The following COL3A1 variants were observed in gnomAD, a reference collection of about 807,000 sequenced individuals.
The protein encoded by COL3A1 is collagen alpha-1(III) chain.
In COL3A1, 46 loss-of-function variants were observed where a neutral mutation model predicts 200.9. The observed-to-expected ratio is 0.23, with a 90% CI of 0.18 to 0.29. COL3A1 has a LOEUF of 0.29. COL3A1 is among the 10% of genes least tolerant of loss of function. The pLI, the probability that COL3A1 is intolerant of heterozygous loss-of-function variation, is 1.00. For missense variants in COL3A1, 1,367 were observed against 1,917.6 expected, an observed-to-expected ratio of 0.71 and a Z score of 5.36; for synonymous variants, 650 against 628.0, an observed-to-expected ratio of 1.03 and a Z score of -0.52.
chr2:188,982,593 C>T (rs917874703), intron 1 of COL3A1, among the ~76,000 whole-genome samples: 6 of 151,820 alleles, frequency 4.0e-5, no homozygotes, highest in Non-Finnish European at 5.9e-5. Flanking sequence ...TCATAATCCA[C>T]GTGCTGTATT....
chr2:188,991,192 T>G (rs1273387724), intron 11 of COL3A1, 135 bp downstream of exon 11: 19 of 891,300 alleles, frequency 2.1e-5, no homozygotes, highest in Non-Finnish European at 2.9e-5. Context: ...TGAATAATGG[T>G]AACCAATTCA....
In COL3A1 at chr2:188,994,604, A is replaced by G; in HGVS notation, c.1347+10A>G. On this transcript the variant is annotated intron_variant, in intron 19 of 50. Coordinates refer to ENST00000304636, the MANE Select transcript of COL3A1 (RefSeq NM_000090.4). This position sits in a 1 kb window ranked among gnomAD's most constrained non-coding sequence, Gnocchi z 4.5. The stretch of plus-strand genomic sequence containing the variant: ...ACCACGTGGTGAACGCGTAAGTTTT[A>G]CTGCAACAGATCTGGTTATTTCTTG... 6.2e-7 allele frequency: 1 copy of G among 1,614,138 alleles called. No individual in the cohort carries two copies. Among genetic ancestry groups the G allele is most frequent in the Non-Finnish European group, 8.5e-7 (1 of 1,180,008 alleles).
chr2:188,992,797 C>A (rs893010212), intron 14 of COL3A1, 90 bp from the exon 15 acceptor site: 3 of 997,390 alleles, frequency 3.0e-6, no homozygotes, highest in Non-Finnish European at 4.8e-6. Context: ...TAAATATCTT[C>A]TTTACTTTAT....
rs1289997955 is a variant in COL3A1, at chr2:188,994,326, T to C, written c.1287T>C (p.Gly429=). The C allele has an allele frequency of 2.5e-6, 4 of 1,613,454 alleles. No individual in the cohort carries two copies. Among genetic ancestry groups the C allele is most frequent in the Admixed American group, 1.7e-5 (1 of 59,994 alleles). The part of the protein sequence containing the change: ...AGANGAPGLR[G]GAGEPGKNGA... Reference sequence around the variant, plus strand: ...CTAATGGTGCTCCTGGACTGCGAGGTGGTGCAGTAAGTTGCCTTGTTTTTT... The same window carrying C: ...CTAATGGTGCTCCTGGACTGCGAGGCGGTGCAGTAAGTTGCCTTGTTTTTT... Residue 429 remains glycine, a synonymous_variant, in exon 18 of 51, where the codon GGT becomes GGC. Coordinates refer to ENST00000304636, the MANE Select transcript of COL3A1 (RefSeq NM_000090.4). This position sits in a 1 kb window ranked among gnomAD's most constrained non-coding sequence, Gnocchi z 4.5.
intron 37 of COL3A1, 73 bp downstream of exon 37, chr2:189,003,537 G>A: frequency 1.4e-6 from 2 of 1,457,016 alleles, no homozygotes; most frequent in East Asian, 2.3e-5. Context: ...CTGCATTTGA[G>A]ACACTAGTTC....
At chr2:188,990,071 A>T (rs1259566171) in intron 8 of COL3A1, 25 bp from the exon 9 acceptor site, 12 of 1,610,398 alleles carry the variant, frequency 7.5e-6, no homozygotes, top group Admixed American at 1.7e-5. Flanking sequence ...ATGAGCACCT[A>T]CGTATTCTTT....
At position 189,011,960 on chromosome 2, in the gene COL3A1, A is replaced by G; in HGVS notation, c.*186A>G. The G allele has an allele frequency of 1.6e-6, 1 of 643,198 alleles. No homozygotes were observed. Among genetic ancestry groups the G allele is most frequent in the South Asian group, 2.0e-5 (1 of 50,632 alleles). 39.8% of individuals were successfully genotyped at this position (643,198 alleles called of 1,614,324 possible). A position where few individuals can be genotyped will look rare whatever the true frequency, so the allele number is the denominator to read the frequency against. On this transcript the variant is annotated 3_prime_UTR_variant, in exon 51 of 51. Coordinates refer to ENST00000304636, the MANE Select transcript of COL3A1 (RefSeq NM_000090.4). ...CTTTTTTTGCTGTTCCACCAAATAC[A>G]ATTCAAATGCTTTTTGTTTTATTTT... is the stretch of plus-strand genomic sequence containing the variant.
chr2:189,012,222 T>A lies in COL3A1; in HGVS notation c.*448T>A, dbSNP rs1366169115. 2 of 154,396 alleles carry A rather than the reference T, an allele frequency of 1.3e-5. No homozygotes were observed. Among genetic ancestry groups the A allele is most frequent in the Non-Finnish European group, 2.9e-5 (2 of 69,394 alleles). The allele number at this position is 154,396 out of a possible 1,614,324, so 9.6% of individuals were successfully genotyped here. ...AGAAACACAGATTGTATTCTATGAG[T>A]CCCAGAAGATGAAAAAAATTTTATA... On this transcript the variant is annotated 3_prime_UTR_variant, in exon 51 of 51. Coordinates refer to ENST00000304636, the MANE Select transcript of COL3A1 (RefSeq NM_000090.4).
At chr2:188,987,560 A>G (rs575627080) in intron 5 of COL3A1, among the ~76,000 whole-genome samples, 9 of 152,258 alleles carry the variant, frequency 5.9e-5, no homozygotes, top group Non-Finnish European at 1.0e-4. Context: ...CAATTGTCCT[A>G]TGTATGATGA....
intron 35 of COL3A1, 79 bp downstream of exon 35, chr2:189,002,430 A>G (rs1313157426): frequency 2.9e-5 from 40 of 1,376,436 alleles, no homozygotes; most frequent in Non-Finnish European, 4.1e-5. Flanking sequence ...AGTATAGTCA[A>G]GTTTGGTTTC....
chr2:188,985,398 T>C (rs1220017985), intron 3 of COL3A1, 151 bp downstream of exon 3: 5 of 738,624 alleles, frequency 6.8e-6, no homozygotes, highest in East Asian at 2.7e-5. Context: ...GAATCCATAA[T>C]TGTACGTGTA....
intron 37 of COL3A1, 81 bp downstream of exon 37, chr2:189,003,545 T>G (rs1688518381): frequency 1.4e-6 from 2 of 1,426,370 alleles, no homozygotes; most frequent in Admixed American, 3.4e-5. Flanking sequence ...GAGACACTAG[T>G]TCCATAAAGA....
intron 1 of COL3A1, among the ~76,000 whole-genome samples, chr2:188,977,653 G>A (rs998662837): frequency 6.6e-6 from 1 of 152,044 alleles, no homozygotes; most frequent in Non-Finnish European, 1.5e-5. Flanking sequence ...ACTAGAAAAT[G>A]ACGGAGTCAA....
intron 25 of COL3A1, 48 bp from the exon 26 acceptor site, chr2:188,997,288 C>T (rs1688349266): frequency 1.2e-6 from 2 of 1,612,794 alleles, no homozygotes; most frequent in South Asian, 2.2e-5. Context: ...TCTGACTTCT[C>T]TCTGTAATCT....
At chr2:188,992,865 A>G in intron 14 of COL3A1, 22 bp from the exon 15 acceptor site, 1 of 1,611,862 alleles carries the variant, frequency 6.2e-7, no homozygotes, top group Non-Finnish European at 8.5e-7. Flanking sequence ...AGAGCTCTTG[A>G]AATTGTATTT....
intron 1 of COL3A1, among the ~76,000 whole-genome samples, chr2:188,976,459 G>A (rs1221907337): frequency 6.6e-6 from 1 of 151,776 alleles, no homozygotes; most frequent in Non-Finnish European, 1.5e-5. Flanking sequence ...TATTTTTTTT[G>A]TCATGAGTAA....
intron 3 of COL3A1, 112 bp from the exon 4 acceptor site, chr2:188,985,553 T>G: frequency 1.4e-6 from 1 of 730,154 alleles, no homozygotes; most frequent in Non-Finnish European, 2.3e-6. Context: ...ATAAAGAAAA[T>G]ATATTACTTA....
chr2:188,990,943 A>C, intron 10 of COL3A1, 61 bp from the exon 11 acceptor site: 2 of 1,526,964 alleles, frequency 1.3e-6, no homozygotes, highest in Non-Finnish European at 1.8e-6. Context: ...TGTAAACTTT[A>C]TCAATCATTC....
At chr2:189,003,666 T>A in intron 37 of COL3A1, 68 bp from the exon 38 acceptor site, 5 of 1,533,032 alleles carry the variant, frequency 3.3e-6, no homozygotes, top group Non-Finnish European at 4.5e-6. Context: ...CCACACATTA[T>A]ACTTTTTGTT....
Sources: allele counts gnomAD v4.1 joint callset (sites outside exome capture counted in the v4.1 genomes callset), GRCh38; gene constraint gnomAD v4.1.1; non-coding constraint Gnocchi (gnomAD v3.1); transcripts MANE v1.5; gene names NCBI Gene and HGNC (gene_info 2026-07-23, HGNC 2026-07-21).